The following PTPRD variants were observed in gnomAD, a reference collection of about 807,000 sequenced individuals.
PTPRD encodes protein tyrosine phosphatase receptor type D.
In PTPRD, 34 loss-of-function variants were observed where a neutral mutation model predicts 214.5. The observed-to-expected ratio is 0.16, with a 90% confidence interval of 0.12 to 0.21. The LOEUF is 0.21. Among genes scored for constraint, PTPRD ranks in the 10% least tolerant of loss-of-function variants. The pLI is 1.00. For synonymous variants in PTPRD, 1,128 were observed against 845.7 expected (o/e 1.33, Z -5.79); for missense variants, 2,545 against 2,398.7 (o/e 1.06, Z -1.27).
intron 11 of PTPRD, among the ~76,000 whole-genome samples, chr9:8,828,624 T>A (rs907017303): frequency 6.6e-5 from 10 of 152,176 alleles, no homozygotes; most frequent in Non-Finnish European, 2.9e-5. Flanking sequence ...AAATTATGAG[T>A]TGCTGCTGAA....
intron 34 of PTPRD, among the ~76,000 whole-genome samples, chr9:8,440,300 T>C (rs1369906933): frequency 6.7e-6 from 1 of 148,282 alleles, no homozygotes; most frequent in Non-Finnish European, 1.5e-5. Flanking sequence ...AAGCTACAAA[T>C]GTACAATAGA....
chr9:9,039,923 C>A (rs971490518), intron 10 of PTPRD, among the ~76,000 whole-genome samples: 1 of 151,904 alleles, frequency 6.6e-6, no homozygotes, highest in African/African-American at 2.4e-5. Context: ...TGTATTGTCA[C>A]CTGGGCCTGT....
At chr9:9,265,379 G>T (rs953340728) in intron 9 of PTPRD, among the ~76,000 whole-genome samples, 13 of 151,428 alleles carry the variant, frequency 8.6e-5, no homozygotes, top group African/African-American at 3.1e-4. Context: ...CTGCCCTACT[G>T]AATAGCTAGG....
intron 3 of PTPRD, among the ~76,000 whole-genome samples, chr9:10,179,840 T>A (rs2099271568): frequency 6.6e-6 from 1 of 152,072 alleles, no homozygotes; most frequent in African/African-American, 2.4e-5. Context: ...GACTAGAAGA[T>A]GATACTATTA....
At chr9:9,503,018 T>A (rs1366948865) in intron 8 of PTPRD, among the ~76,000 whole-genome samples, 1 of 151,822 alleles carries the variant, frequency 6.6e-6, no homozygotes. Flanking sequence ...GTTAATATGT[T>A]TGTTAAAATT....
intron 2 of PTPRD, among the ~76,000 whole-genome samples, chr9:10,385,186 G>C (rs2097893387): frequency 6.6e-6 from 1 of 151,728 alleles, no homozygotes; most frequent in African/African-American, 2.4e-5. Context: ...CCAAAAGTAA[G>C]TTTATTCCCT....
chr9:8,973,861 T>C (rs1010556757), intron 11 of PTPRD, among the ~76,000 whole-genome samples: 3 of 152,178 alleles, frequency 2.0e-5, no homozygotes, highest in Non-Finnish European at 4.4e-5. Context: ...CTTGTATGTC[T>C]TCTTTTAAGA....
intron 14 of PTPRD, among the ~76,000 whole-genome samples, chr9:8,542,208 C>T (rs569688718): frequency 2.6e-4 from 39 of 152,246 alleles, no homozygotes; most frequent in African/African-American, 6.7e-4. Flanking sequence ...GTGGGCACTT[C>T]GGTGCTTGCG....
intron 14 of PTPRD, among the ~76,000 whole-genome samples, chr9:8,577,651 A>G (rs776391868): frequency 6.6e-6 from 1 of 152,188 alleles, no homozygotes; most frequent in Non-Finnish European, 1.5e-5. Flanking sequence ...TGACTTCTCT[A>G]ACATACTGAG....
chr9:9,325,135 A>G (rs1261648169), intron 9 of PTPRD, among the ~76,000 whole-genome samples: 1 of 152,164 alleles, frequency 6.6e-6, no homozygotes, highest in Non-Finnish European at 1.5e-5. Context: ...TGATGCCTCC[A>G]GCTTTGTTCT....
Position 9,810,954 on chromosome 9 carries a change from G to A in PTPRD, c.-367-44103C>T, listed in dbSNP as rs143861172. On this transcript the variant is annotated intron_variant, in intron 5 of 45. Coordinates refer to ENST00000381196, the MANE Select transcript of PTPRD (RefSeq NM_002839.4). ...AAAATAGCAACATTAAAAGCAGTTCGCGGCCAGGTGCACTCGCTCACGTCT... is the reference window on the plus strand; with the variant it reads ...AAAATAGCAACATTAAAAGCAGTTCACGGCCAGGTGCACTCGCTCACGTCT... Among the ~76,000 whole-genome samples, 329 of 151,784 alleles carry A rather than the reference G, an allele frequency of 2.2e-3. 2 individuals are homozygous for A. Among genetic ancestry groups the A allele is most frequent in the African/African-American group, 7.5e-3 (312 of 41,398 alleles).
At chr9:10,167,148 G>A (rs2099164085) in intron 3 of PTPRD, among the ~76,000 whole-genome samples, 1 of 149,904 alleles carries the variant, frequency 6.7e-6, no homozygotes, top group South Asian at 2.1e-4. Context: ...ACAAATCTAA[G>A]GCTAACAGAA....
chr9:8,836,925 C>T (rs35085532), intron 11 of PTPRD, among the ~76,000 whole-genome samples: 35,947 of 151,564 alleles, frequency 0.24, 4,813 homozygotes, highest in Middle Eastern at 0.31. Flanking sequence ...GACCAAGTCC[C>T]ATCTCAAGCT....
At chr9:10,318,310 G>T (rs2096484790) in intron 3 of PTPRD, among the ~76,000 whole-genome samples, 1 of 151,856 alleles carries the variant, frequency 6.6e-6, no homozygotes, top group African/African-American at 2.4e-5. Context: ...AATTACCAGG[G>T]GTCTAGGCTA....
chr9:9,470,287 T>C (rs2094500308), intron 8 of PTPRD, among the ~76,000 whole-genome samples: 1 of 152,196 alleles, frequency 6.6e-6, no homozygotes, highest in African/African-American at 2.4e-5. Flanking sequence ...CACATTTGGC[T>C]GTTTCTGAAA....
At chr9:9,749,578 T>C (rs1313760037) in intron 6 of PTPRD, among the ~76,000 whole-genome samples, 1 of 152,106 alleles carries the variant, frequency 6.6e-6, no homozygotes, top group African/African-American at 2.4e-5. Flanking sequence ...CTTTCATGAC[T>C]CCATAACAAG....
intron 3 of PTPRD, among the ~76,000 whole-genome samples, chr9:10,095,396 C>T (rs1214878731): frequency 6.6e-6 from 1 of 151,414 alleles, no homozygotes; most frequent in Admixed American, 6.6e-5. Context: ...TCTATGAATG[C>T]ATTATCCACA....
At chr9:8,592,987 T>G (rs138594214) in intron 14 of PTPRD, among the ~76,000 whole-genome samples, 6 of 152,114 alleles carry the variant, frequency 3.9e-5, no homozygotes, top group African/African-American at 1.4e-4. Context: ...GGCAGTACAT[T>G]TGGGAAGCTC....
intron 39 of PTPRD, among the ~76,000 whole-genome samples, chr9:8,369,718 T>A (rs7871364): frequency 6.6e-6 from 1 of 151,902 alleles, no homozygotes; most frequent in Non-Finnish European, 1.5e-5. Context: ...TAGAAAGTCT[T>A]CCTTTTGTCT....
Sources: gnomAD v4.1 joint callset for allele counts (sites outside exome capture counted in the v4.1 genomes callset) on GRCh38, gnomAD v4.1.1 for gene constraint, MANE v1.5 for transcripts, NCBI Gene and HGNC (gene_info 2026-07-23, HGNC 2026-07-21) for gene names.